HFM1: variants seen among roughly 807,000 people sequenced by gnomAD.
HFM1 encodes probable ATP-dependent DNA helicase HFM1.
HFM1 carries 169 observed loss-of-function variants against 192.1 expected under a neutral mutation model. The observed-to-expected ratio is 0.88, with a 90% CI of 0.78 to 1.00. The LOEUF is 1.00. HFM1 is among the 50% of genes least tolerant of loss of function. The pLI is 0.00. For synonymous variants in HFM1, 525 were observed against 537.8 expected (o/e 0.98, Z 0.33); for missense variants, 1,661 against 1,668.0 (o/e 1.00, Z 0.07).
intron 19 of HFM1, among the ~76,000 whole-genome samples, chr1:91,345,304 CTT>C (rs1655983409): frequency 6.6e-6 from 1 of 151,944 alleles, no homozygotes; most frequent in Non-Finnish European, 1.5e-5. Context: ...GTGCAAAGGA[CTT>C]GATGTGGGAA....
At chr1:91,293,431 A>T (rs1446699654) in intron 30 of HFM1, among the ~76,000 whole-genome samples, 1 of 152,194 alleles carries the variant, frequency 6.6e-6, no homozygotes, top group African/African-American at 2.4e-5. Context: ...TTATGCAGCC[A>T]AAAAACACAT....
intron 30 of HFM1, among the ~76,000 whole-genome samples, chr1:91,305,045 C>A (rs1455964655): frequency 6.6e-6 from 1 of 152,170 alleles, no homozygotes; most frequent in Admixed American, 6.6e-5. Context: ...ATTATGACAG[C>A]ACCACCTTGT....
At chr1:91,391,036 A>G (rs1662920634) in intron 4 of HFM1, among the ~76,000 whole-genome samples, 1 of 152,180 alleles carries the variant, frequency 6.6e-6, no homozygotes, top group African/African-American at 2.4e-5. Flanking sequence ...TAGGAATCCA[A>G]CTTACAAGGG....
Position 91,313,455 on chromosome 1 carries a change from T to A in HFM1, c.3285A>T (p.Leu1095Phe), listed in dbSNP as rs560418657. The A allele has an allele frequency of 1.2e-6, 2 of 1,600,150 alleles. No individual in the cohort carries two copies. Among genetic ancestry groups the A allele is most frequent in the East Asian group, 4.5e-5 (2 of 44,482 alleles). The change falls in exon 30 of 39, where the codon TTA becomes TTT. Residue 1095 changes from leucine (L) to phenylalanine (F), a missense_variant. Transcript: ENST00000370425. ...TTTGATTTCCAAACCTCTTGGGTTC[T>A]AAGTAAAAGACTGTAAGTTTCTGCT... is the stretch of plus-strand genomic sequence containing the variant. The part of the protein sequence containing the change: ...DIQQKLTVFY[L>F]EPKRFGNQIT...
intron 20 of HFM1, among the ~76,000 whole-genome samples, chr1:91,339,694 A>G (rs1157749996): frequency 2.0e-5 from 3 of 151,742 alleles, no homozygotes; most frequent in Admixed American, 2.0e-4. Flanking sequence ...AAAGAGAGGG[A>G]GAGAGAGAGA....
intron 13 of HFM1, among the ~76,000 whole-genome samples, chr1:91,354,402 G>A (rs1657430714): frequency 6.6e-6 from 1 of 151,802 alleles, no homozygotes; most frequent in South Asian, 2.1e-4. Flanking sequence ...GAAGAATGAG[G>A]AAAAGGCATA....
intron 18 of HFM1, 147 bp downstream of exon 18, chr1:91,350,591 T>A: frequency 1.7e-6 from 1 of 605,242 alleles, no homozygotes; most frequent in East Asian, 3.2e-5. Flanking sequence ...TGTCTACTCT[T>A]GTCTCTAAAT....
chr1:91,285,479 AGG>A (rs1667873515), intron 30 of HFM1, among the ~76,000 whole-genome samples: 1 of 152,198 alleles, frequency 6.6e-6, no homozygotes, highest in African/African-American at 2.4e-5. Context: ...TGTTTTGAAA[AGG>A]CCCAAATTTG....
At position 91,378,039 on chromosome 1, in the gene HFM1, G is replaced by T; in HGVS notation, c.1381C>A (p.Pro461Thr). The stretch of plus-strand genomic sequence containing the variant: ...TTGTAACTCACATCCTCAGCATTTG[G>T]AATTGTTGCAGATACAGCTACAAAT... The part of the protein sequence containing the change: ...MRFVAVSATI[P>T]NAEDIAEWLS... Residue 461 changes from proline to threonine, a missense_variant, in exon 11 of 39, where the codon CCA becomes ACA. By Grantham distance (38) the Pro-to-Thr change is conservative. Coordinates refer to ENST00000370425, the MANE Select transcript of HFM1 (RefSeq NM_001017975.6). 1 of 1,611,350 alleles carries T rather than the reference G, an allele frequency of 6.2e-7. No homozygotes were observed.
rs749935008 is a variant in HFM1 at position 91,380,980 on chromosome 1, C to T, written c.805G>A (p.Ala269Thr). 2.8e-6 allele frequency: 4 copies of T among 1,430,216 alleles called. No individual in the cohort carries two copies. In the Admixed American group the frequency reaches 6.8e-5, roughly 24 times the overall value. The allele number at this position is 1,430,216 out of a possible 1,614,324, so 88.6% of individuals were successfully genotyped here. A position where few individuals can be genotyped will look rare whatever the true frequency, so the allele number is the denominator to read the frequency against. ...GSLKAVTEIP[A>T]KFRSIFKEFP... ...TCTTTGAAAATACTTCTAAATTTTG[C>T]CGCTTACAATAACATTAAGGAGTCA... Residue 269 changes from alanine to threonine, a missense_variant and splice_region_variant, in exon 7 of 39, where the codon GCA (alanine) becomes ACA (threonine). Physicochemically the swap from Ala to Thr is moderately conservative, Grantham distance 58. Coordinates refer to ENST00000370425, the MANE Select transcript of HFM1 (RefSeq NM_001017975.6).
intron 30 of HFM1, among the ~76,000 whole-genome samples, chr1:91,291,573 G>C (rs908586903): frequency 0.013 from 2,012 of 152,116 alleles, 49 homozygotes; most frequent in African/African-American, 0.046. Context: ...GCTTACCAAC[G>C]AAAAAGAGTC....
intron 30 of HFM1, among the ~76,000 whole-genome samples, chr1:91,289,734 G>A (rs913476505): frequency 2.0e-5 from 3 of 152,092 alleles, no homozygotes; most frequent in Non-Finnish European, 2.9e-5. Context: ...GGCGGCGCGC[G>A]CCTGCATCCC....
At chr1:91,280,734 C>T (rs1667382180) in intron 30 of HFM1, among the ~76,000 whole-genome samples, 3 of 152,200 alleles carry the variant, frequency 2.0e-5, no homozygotes, top group Admixed American at 1.3e-4. Flanking sequence ...AAAAACAAAG[C>T]AACCCACCAC....
intron 30 of HFM1, among the ~76,000 whole-genome samples, chr1:91,297,317 C>A (rs1258890459): frequency 6.6e-6 from 1 of 152,232 alleles, no homozygotes; most frequent in African/African-American, 2.4e-5. Flanking sequence ...GTGGAGCCCA[C>A]CACAGCTCAA....
intron 13 of HFM1, among the ~76,000 whole-genome samples, chr1:91,375,068 G>C (rs1660740657): frequency 6.6e-6 from 1 of 152,046 alleles, no homozygotes. Context: ...AGTCCTTAAA[G>C]ATTAATTCGC....
intron 30 of HFM1, among the ~76,000 whole-genome samples, chr1:91,289,234 C>T (rs879040881): frequency 2.0e-5 from 3 of 151,318 alleles, no homozygotes; most frequent in African/African-American, 4.9e-5. Flanking sequence ...GGGTCGCGGC[C>T]GGACAGAGGC....
intron 30 of HFM1, among the ~76,000 whole-genome samples, chr1:91,283,076 A>T (rs1052237806): frequency 6.6e-6 from 1 of 152,118 alleles, no homozygotes; most frequent in African/African-American, 2.4e-5. Context: ...TACCTGACGA[A>T]ATCTTTTTGC....
intron 34 of HFM1, among the ~76,000 whole-genome samples, chr1:91,268,396 G>A (rs902385971): frequency 3.3e-5 from 5 of 151,792 alleles, no homozygotes; most frequent in Admixed American, 2.0e-4. Context: ...GTTATTCATT[G>A]TTTACAGCCT....
intron 11 of HFM1, 25 bp from the exon 12 acceptor site, chr1:91,375,752 T>C: frequency 1.9e-6 from 3 of 1,601,298 alleles, no homozygotes; most frequent in Non-Finnish European, 2.6e-6. Flanking sequence ...AATATGTGCA[T>C]TAAAATTTTC....
Sources: gnomAD v4.1 joint callset for allele counts (sites outside exome capture counted in the v4.1 genomes callset) on GRCh38, gnomAD v4.1.1 for gene constraint, MANE v1.5 for transcripts, NCBI Gene and HGNC (gene_info 2026-07-23, HGNC 2026-07-21) for gene names.